OR7C1: variants seen among roughly 807,000 people sequenced by gnomAD.
OR7C1 encodes the protein olfactory receptor family 7 subfamily C member 1, also known as olfactory receptor 7C1.
For synonymous variants in OR7C1, 152 were observed against 160.7 expected (o/e 0.95, Z 0.41); for missense variants, 324 against 383.3 (o/e 0.85, Z 1.29).
intron 1 of OR7C1, among the ~76,000 whole-genome samples, chr19:14,812,130 G>C (rs2044693746): frequency 6.7e-6 from 1 of 150,064 alleles, no homozygotes; most frequent in African/African-American, 2.5e-5. Context: ...GATTAGCAAG[G>C]GCATGCTCTT....
At chr19:14,832,543 C>T (rs2044843839) in intron 1 of OR7C1, among the ~76,000 whole-genome samples, 1 of 151,776 alleles carries the variant, frequency 6.6e-6, no homozygotes, top group East Asian at 1.9e-4. Context: ...TCTCCTGCCT[C>T]AACCTCCCAA....
chr19:14,820,169 C>T (rs2044734260), intron 1 of OR7C1, among the ~76,000 whole-genome samples: 1 of 152,126 alleles, frequency 6.6e-6, no homozygotes, highest in Non-Finnish European at 1.5e-5. Context: ...ACCTTGGCCT[C>T]CCAAAGTGCT....
At chr19:14,823,516 G>A (rs1022710789) in intron 1 of OR7C1, among the ~76,000 whole-genome samples, 70 of 152,096 alleles carry the variant, frequency 4.6e-4, no homozygotes, top group African/African-American at 1.4e-3. Context: ...TTGTTACATG[G>A]GTATTTTGCC....
At chr19:14,801,092 C>G (rs2044639655) in intron 2 of OR7C1, among the ~76,000 whole-genome samples, 1 of 152,198 alleles carries the variant, frequency 6.6e-6, no homozygotes, top group African/African-American at 2.4e-5. Flanking sequence ...GACAATGTAG[C>G]AGCTTCATTA....
chr19:14,818,773 T>G (rs1036014502), intron 1 of OR7C1, among the ~76,000 whole-genome samples: 5 of 152,234 alleles, frequency 3.3e-5, no homozygotes, highest in African/African-American at 1.2e-4. Flanking sequence ...TGCGGTCAGG[T>G]CTATCAGTGG....
At chr19:14,800,286 T>A in exon 4 of OR7C1, 1 of 856,528 alleles carries the variant, frequency 1.2e-6, no homozygotes, top group Non-Finnish European at 1.8e-6. Context: ...CTGGGGCATC[T>A]GAAATTCTTC....
intron 2 of OR7C1, among the ~76,000 whole-genome samples, chr19:14,804,008 C>T (rs191443196): frequency 6.6e-6 from 1 of 152,180 alleles, no homozygotes; most frequent in East Asian, 1.9e-4. Context: ...CGTGCCTGGC[C>T]TAAATATTTC....
In OR7C1 at chr19:14,821,389, C is replaced by A. The variant is rs796270725; in HGVS notation, c.-622-11396G>T. 1.3e-5 allele frequency: 2 copies of A among 152,136 alleles called. 1 individual carries two copies. The highest frequency in any genetic ancestry group is 4.1e-4 in the South Asian group (2 of 4,822). The allele number at this position is 152,136 out of a possible 1,614,324, so 9.4% of individuals were successfully genotyped here. A position where few individuals can be genotyped will look rare whatever the true frequency, so the allele number is the denominator to read the frequency against. On this transcript the variant is annotated intron_variant, in intron 1 of 4. Transcript: ENST00000641666. ...TGCTCAGGGTATGGGCCCTGGAGTC[C>A]GGAGATAATGTCAGTTCTACGCTGG...
intron 1 of OR7C1, among the ~76,000 whole-genome samples, chr19:14,833,525 A>G (rs1477687436): frequency 6.6e-6 from 1 of 152,242 alleles, no homozygotes; most frequent in Non-Finnish European, 1.5e-5. Context: ...GGGAAACTAC[A>G]TATGAAATCT....
chr19:14,810,881 A>G (rs12977396), intron 1 of OR7C1, among the ~76,000 whole-genome samples: 1 of 151,682 alleles, frequency 6.6e-6, no homozygotes, highest in Non-Finnish European at 1.5e-5. Context: ...AAACACATTC[A>G]TATTTTTAAT....
In OR7C1 at chr19:14,808,243, A is replaced by G. The variant is rs375892964; in HGVS notation, c.-435+1563T>C. ...CCAAAGAACTAAAAGTAGGACTACC[A>G]TTCAATCCAGCAATCCCACTAGTGG... On this transcript the variant is annotated intron_variant, in intron 2 of 4. Coordinates refer to ENST00000641666, the Ensembl canonical transcript of OR7C1. Among the ~76,000 whole-genome samples the G allele has an allele frequency of 1.4e-4, 21 of 152,122 alleles. 1 individual carries two copies. Among genetic ancestry groups the G allele is most frequent in the African/African-American group, 5.1e-4 (21 of 41,364 alleles).
intron 1 of OR7C1, among the ~76,000 whole-genome samples, chr19:14,822,072 A>T (rs900096723): frequency 6.6e-6 from 1 of 152,198 alleles, no homozygotes; most frequent in Non-Finnish European, 1.5e-5. Context: ...TCTATTGTGG[A>T]TATGCACCAC....
chr19:14,799,487 G>C (rs771403631), exon 5 of OR7C1: 5 of 1,614,144 alleles, frequency 3.1e-6, no homozygotes. Flanking sequence ...TTTATAGTAA[G>C]AGAAAAATAT....
chr19:14,806,054 TCTGTA>T (rs142601336), intron 2 of OR7C1, among the ~76,000 whole-genome samples: 2,090 of 152,024 alleles, frequency 0.014, 76 homozygotes, highest in African/African-American at 0.047. Flanking sequence ...ATACAATAAG[TCTGTA>T]CTATTTAGAG....
At chr19:14,800,200 A>G in intron 4 of OR7C1, 51 bp from the exon 5 acceptor site, 2 of 1,464,646 alleles carry the variant, frequency 1.4e-6, no homozygotes, top group Non-Finnish European at 1.8e-6. Flanking sequence ...CACTGGCAAC[A>G]TGGAAATTTG....
At chr19:14,833,991 G>A (rs1359714039) in intron 1 of OR7C1, among the ~76,000 whole-genome samples, 1 of 152,156 alleles carries the variant, frequency 6.6e-6, no homozygotes, top group Admixed American at 6.5e-5. Flanking sequence ...TGGGCGTGGT[G>A]GCACACGTCT....
At chr19:14,819,690 A>G (rs577527672) in intron 1 of OR7C1, among the ~76,000 whole-genome samples, 1 of 152,286 alleles carries the variant, frequency 6.6e-6, no homozygotes, top group African/African-American at 2.4e-5. Context: ...TTTCCTGTGT[A>G]TTCTTCATGT....
chr19:14,803,610 T>G (rs2044652496), intron 2 of OR7C1, among the ~76,000 whole-genome samples: 2 of 152,190 alleles, frequency 1.3e-5, no homozygotes, highest in South Asian at 4.2e-4. Context: ...CAGGCTGCTT[T>G]TTGTTAGAAA....
Position 14,805,294 on chromosome 19 carries a change from A to C in OR7C1, c.-435+4512T>G, listed in dbSNP as rs949968080. Among the ~76,000 whole-genome samples, 60 of 151,564 alleles carry C rather than the reference A, an allele frequency of 4.0e-4. 1 individual carries two copies. The highest frequency in any genetic ancestry group is 1.4e-3 in the African/African-American group (58 of 41,138). On this transcript the variant is annotated intron_variant, in intron 2 of 4. Coordinates refer to ENST00000641666, the Ensembl canonical transcript of OR7C1. ...CTCAAGGGGAATGAGATGCACATTG[A>C]TTCAAGGCTCATTGAGACCCTGGTG...
Sources: allele counts gnomAD v4.1 joint callset (sites outside exome capture counted in the v4.1 genomes callset), GRCh38; gene constraint gnomAD v4.1.1; transcripts MANE v1.5; gene names NCBI Gene and HGNC (gene_info 2026-07-23, HGNC 2026-07-21).